Variants in RANBP2 observed in about 807,000 individuals in gnomAD.
RANBP2 encodes E3 SUMO-protein ligase RanBP2.
In RANBP2, 57 loss-of-function variants were observed where a neutral mutation model predicts 303.6. The observed-to-expected ratio is 0.19, with a 90% CI of 0.15 to 0.23. The LOEUF (loss-of-function observed/expected upper bound fraction) is 0.23, where lower values mean the gene tolerates loss of function less well. RANBP2 is among the 10% of genes least tolerant of loss of function. The probability of loss-of-function intolerance (pLI) is 1.00; values close to 1 mark genes in which losing one functional copy is unlikely to be tolerated. For missense variants in RANBP2, 3,138 were observed against 3,780.8 expected, an observed-to-expected ratio of 0.83 and a Z score of 4.46; for synonymous variants, 1,167 against 1,301.5, an observed-to-expected ratio of 0.90 and a Z score of 2.23.
chr2:109,233,865 T>G, the RANBP2 span, among the ~76,000 whole-genome samples: 1 of 152,228 alleles, frequency 6.6e-6, no homozygotes, highest in Non-Finnish European at 1.5e-5. Flanking sequence ...TGGTCTGCAT[T>G]GTTTTGTCTA....
At chr2:109,346,944 C>T in the RANBP2 span, among the ~76,000 whole-genome samples, 2 of 152,108 alleles carry the variant, frequency 1.3e-5, no homozygotes, top group African/African-American at 2.4e-5. Flanking sequence ...CTGTGATGGC[C>T]GGGGACTGCT....
At chr2:109,101,449 C>T in the RANBP2 span, among the ~76,000 whole-genome samples, 3 of 151,978 alleles carry the variant, frequency 2.0e-5, no homozygotes, top group Non-Finnish European at 2.9e-5. Context: ...ATGGCGGGAA[C>T]TCGGGAGGTG....
the RANBP2 span, among the ~76,000 whole-genome samples, chr2:108,960,580 T>G: frequency 3.9e-5 from 6 of 152,226 alleles, no homozygotes; most frequent in Non-Finnish European, 7.3e-5. Context: ...CCACGCTGGC[T>G]CTGTCACTGA....
chr2:108,843,902 T>C, the RANBP2 span, among the ~76,000 whole-genome samples: 12 of 144,422 alleles, frequency 8.3e-5, no homozygotes, highest in South Asian at 2.7e-3. Flanking sequence ...TTTTTTTTTT[T>C]TTTTTTGAGA....
the RANBP2 span, among the ~76,000 whole-genome samples, chr2:109,053,723 G>A: frequency 2.0e-5 from 3 of 152,204 alleles, no homozygotes; most frequent in African/African-American, 4.8e-5. Flanking sequence ...AGTGCTCAGC[G>A]AACCTGCTTC....
the RANBP2 span, among the ~76,000 whole-genome samples, chr2:109,683,951 A>AT: frequency 0.44 from 65,541 of 150,216 alleles, 14,686 homozygotes; most frequent in Middle Eastern, 0.59. Context: ...GCAAAACCCT[A>AT]TTTTTTTTTT....
At chr2:109,153,140 A>G in the RANBP2 span, among the ~76,000 whole-genome samples, 1 of 152,206 alleles carries the variant, frequency 6.6e-6, no homozygotes, top group Non-Finnish European at 1.5e-5. Flanking sequence ...CAGTGGGGCA[A>G]ATATTTCAAT....
At chr2:109,432,760 C>T in the RANBP2 span, 35 of 1,471,080 alleles carry the variant, frequency 2.4e-5, no homozygotes, top group Non-Finnish European at 3.1e-5. Flanking sequence ...GCTACTCTGT[C>T]AGCCGGGCCC....
the RANBP2 span, among the ~76,000 whole-genome samples, chr2:109,199,587 TGG>T: frequency 6.2e-3 from 6 of 972 alleles, no homozygotes; most frequent in African/African-American, 9.3e-3. Context: ...TGGAATGGAA[TGG>T]AATGGAATGG....
the RANBP2 span, among the ~76,000 whole-genome samples, chr2:109,546,479 T>A: frequency 2.0e-5 from 3 of 152,212 alleles, no homozygotes; most frequent in African/African-American, 7.2e-5. Flanking sequence ...AAACTATTTT[T>A]AAAACATTGT....
At chr2:109,546,991 C>G in the RANBP2 span, among the ~76,000 whole-genome samples, 13 of 152,166 alleles carry the variant, frequency 8.5e-5, no homozygotes. Context: ...CAGGAAAGCT[C>G]TCTGACCTCC....
chr2:109,410,841 C>T, the RANBP2 span, among the ~76,000 whole-genome samples: 10,082 of 128,722 alleles, frequency 0.078, 480 homozygotes, highest in East Asian at 0.26. Context: ...GCTTTGAAGT[C>T]GGAGCAGAGA....
the RANBP2 span, chr2:109,613,834 G>A: frequency 2.4e-6 from 3 of 1,237,456 alleles, no homozygotes; most frequent in East Asian, 3.2e-5. Context: ...CCATGGTCGC[G>A]GGCAGGGGCA....
intron 6 of RANBP2, among the ~76,000 whole-genome samples, chr2:108,738,367 G>A (rs544275900): frequency 1.3e-4 from 19 of 151,470 alleles, no homozygotes; most frequent in African/African-American, 3.9e-4. Context: ...GAGCCACCGC[G>A]CCCAGCTGGT....
chr2:109,493,184 C>T, the RANBP2 span, among the ~76,000 whole-genome samples: 1 of 151,524 alleles, frequency 6.6e-6, no homozygotes, highest in Non-Finnish European at 1.5e-5. Flanking sequence ...CATGCAAACA[C>T]ACACACCACA....
the RANBP2 span, among the ~76,000 whole-genome samples, chr2:109,346,177 A>G: frequency 6.6e-6 from 1 of 152,156 alleles, no homozygotes; most frequent in Non-Finnish European, 1.5e-5. Flanking sequence ...ATTGGAAGCA[A>G]ACGGATTTTT....
the RANBP2 span, among the ~76,000 whole-genome samples, chr2:109,540,990 C>T: frequency 1.3e-5 from 2 of 152,212 alleles, no homozygotes; most frequent in Non-Finnish European, 2.9e-5. Flanking sequence ...CTTACTGATA[C>T]ATTTGGGTCT....
the RANBP2 span, chr2:109,614,208 G>C: frequency 9.3e-7 from 1 of 1,075,016 alleles, no homozygotes; most frequent in Non-Finnish European, 1.2e-6. Context: ...CCGGAAGTGG[G>C]CGGGCCTTGA....
At chr2:108,730,749 C>G (rs372158028) in intron 2 of RANBP2, 25 bp from the exon 3 acceptor site, 360 of 1,608,086 alleles carry the variant, frequency 2.2e-4, no homozygotes, top group Non-Finnish European at 2.9e-4. Context: ...GTTTAATTTA[C>G]TTTTGTATTA....
Sources: gnomAD v4.1 joint callset for allele counts (sites outside exome capture counted in the v4.1 genomes callset) on GRCh38, gnomAD v4.1.1 for gene constraint, MANE v1.5 for transcripts, NCBI Gene and HGNC (gene_info 2026-07-23, HGNC 2026-07-21) for gene names.